Variants in ZFYVE9 observed in about 807,000 individuals in gnomAD.
ZFYVE9 encodes zinc finger FYVE domain-containing protein 9.
In ZFYVE9, 43 loss-of-function variants were observed where a neutral mutation model predicts 126.7. The observed-to-expected ratio is 0.34, with a 90% CI of 0.27 to 0.44. ZFYVE9 has a LOEUF of 0.44. Among genes scored for constraint, ZFYVE9 ranks in the 20% least tolerant of loss-of-function variants. The pLI is 1.00. For synonymous variants in ZFYVE9, 521 were observed against 597.4 expected, an observed-to-expected ratio of 0.87 and a Z score of 1.87; for missense variants, 1,476 against 1,697.0, an observed-to-expected ratio of 0.87 and a Z score of 2.29.
At chr1:52,326,074 T>C (rs536341139) in intron 13 of ZFYVE9, among the ~76,000 whole-genome samples, 1 of 152,274 alleles carries the variant, frequency 6.6e-6, no homozygotes, top group Admixed American at 6.5e-5. Context: ...ATAATGCTCC[T>C]GTAGCATTTA....
At chr1:52,220,920 G>T (rs2124603342) in intron 2 of ZFYVE9, among the ~76,000 whole-genome samples, 1 of 152,304 alleles carries the variant, frequency 6.6e-6, no homozygotes, top group Admixed American at 6.5e-5. Flanking sequence ...TCAAAAGATG[G>T]ATTCTTTTGG....
chr1:52,198,825 C>A (rs543028109), intron 1 of ZFYVE9, among the ~76,000 whole-genome samples: 1 of 152,254 alleles, frequency 6.6e-6, no homozygotes, highest in African/African-American at 2.4e-5. Context: ...CACGTATAGC[C>A]TCCGCCATTA....
At position 52,160,287 on chromosome 1, in the gene ZFYVE9, T is replaced by A. The variant is rs1644444475; in HGVS notation, c.-143+17884T>A. 4.0e-6 allele frequency: 4 copies of A among 988,562 alleles called. No homozygotes were observed. The Admixed American group carries it at 6.8e-5, about 17-fold the overall frequency. The allele number at this position is 988,562 out of a possible 1,614,324, so 61.2% of individuals were successfully genotyped here. A position where few individuals can be genotyped will look rare whatever the true frequency, so the allele number is the denominator to read the frequency against. On this transcript the variant is annotated intron_variant, in intron 1 of 18. Transcript: ENST00000287727. Reference sequence around the variant, plus strand: ...TAAATCTTTACAACAGTTCGAATGCTCTTTCCAGAATGCATCAGTTCAAAG... The same window carrying A: ...TAAATCTTTACAACAGTTCGAATGCACTTTCCAGAATGCATCAGTTCAAAG...
chr1:52,298,816 T>TTTG, intron 12 of ZFYVE9, among the ~76,000 whole-genome samples: 1 of 148,686 alleles, frequency 6.7e-6, no homozygotes, highest in South Asian at 2.2e-4. Context: ...GTTTTTTTTT[T>TTTG]TTTTTTTTTT....
rs896615190 is a variant in ZFYVE9, at chr1:52,263,249, C to T, written c.2179-524C>T. Among the ~76,000 whole-genome samples, 10 of 152,138 alleles carry T rather than the reference C, an allele frequency of 6.6e-5. No homozygotes were observed. The East Asian group carries it at 7.7e-4, about 12-fold the overall frequency. Reference sequence around the variant, plus strand: ...GTGATTTCCTGTAGCTAAAGCAGTGCGTTTGTTTATGATTGAGTTGTATAT... The same window carrying T: ...GTGATTTCCTGTAGCTAAAGCAGTGTGTTTGTTTATGATTGAGTTGTATAT... On this transcript the variant is annotated intron_variant, in intron 4 of 18. Transcript: ENST00000287727.
At chr1:52,321,686 G>A (rs568527087) in intron 13 of ZFYVE9, among the ~76,000 whole-genome samples, 1 of 152,130 alleles carries the variant, frequency 6.6e-6, no homozygotes, top group East Asian at 1.9e-4. Flanking sequence ...CTGTCTCCCA[G>A]AACTCACAAC....
At chr1:52,263,927 C>G in intron 5 of ZFYVE9, 55 bp downstream of exon 5, 1 of 1,217,016 alleles carries the variant, frequency 8.2e-7, no homozygotes, top group South Asian at 1.5e-5. Context: ...AAGGGAATTA[C>G]GATGAGAAGA....
At chr1:52,149,661 A>G (rs1173542979) in intron 1 of ZFYVE9, among the ~76,000 whole-genome samples, 1 of 152,108 alleles carries the variant, frequency 6.6e-6, no homozygotes, top group Non-Finnish European at 1.5e-5. Context: ...CGCGTGGCTA[A>G]TTTTTGTATT....
At chr1:52,293,705 G>A (rs985275601) in intron 11 of ZFYVE9, 28 bp downstream of exon 11, 1 of 1,582,558 alleles carries the variant, frequency 6.3e-7, no homozygotes, top group Admixed American at 1.7e-5. Context: ...GTTTTTCAAG[G>A]CATGATGACT....
intron 1 of ZFYVE9, among the ~76,000 whole-genome samples, chr1:52,205,514 C>T (rs1644970174): frequency 6.6e-6 from 1 of 151,502 alleles, no homozygotes; most frequent in Admixed American, 6.6e-5. Flanking sequence ...CAAGTGTGCA[C>T]CACCATGCCT....
chr1:52,282,521 G>A (rs1357251326), intron 10 of ZFYVE9, among the ~76,000 whole-genome samples: 2 of 152,130 alleles, frequency 1.3e-5, no homozygotes, highest in African/African-American at 4.8e-5. Context: ...TTATCTTTGA[G>A]GAAGAAGGCC....
chr1:52,209,584 C>T (rs575430062), intron 1 of ZFYVE9, among the ~76,000 whole-genome samples: 1 of 152,224 alleles, frequency 6.6e-6, no homozygotes, highest in Non-Finnish European at 1.5e-5. Context: ...TTAATAGAGC[C>T]ACATAATATG....
chr1:52,206,712 G>T (rs1644981139), intron 1 of ZFYVE9, among the ~76,000 whole-genome samples: 1 of 152,076 alleles, frequency 6.6e-6, no homozygotes, highest in Admixed American at 6.6e-5. Context: ...ACCACACCTG[G>T]CTAATTTTTG....
At chr1:52,181,232 G>A (rs1324460554) in intron 1 of ZFYVE9, among the ~76,000 whole-genome samples, 4 of 152,186 alleles carry the variant, frequency 2.6e-5, no homozygotes, top group Non-Finnish European at 5.9e-5. Context: ...GCAGGCGCGC[G>A]CTGCCACGCC....
At chr1:52,323,193 G>C (rs1324505297) in intron 13 of ZFYVE9, among the ~76,000 whole-genome samples, 1 of 152,166 alleles carries the variant, frequency 6.6e-6, no homozygotes, top group East Asian at 1.9e-4. Context: ...TCCAGGGCAT[G>C]CTACCTTACT....
At chr1:52,233,030 T>C (rs1645238949) in intron 2 of ZFYVE9, 141 bp from the exon 3 acceptor site, 1 of 289,368 alleles carries the variant, frequency 3.5e-6, no homozygotes, top group South Asian at 1.4e-4. Context: ...AAAGATCTTA[T>C]AATATATCCA....
chr1:52,174,480 G>A (rs1216778139), intron 1 of ZFYVE9, among the ~76,000 whole-genome samples: 1 of 152,204 alleles, frequency 6.6e-6, no homozygotes. Context: ...TGTATATTCT[G>A]TTGATTTGGG....
chr1:52,282,894 A>G (rs1645818101), intron 10 of ZFYVE9, among the ~76,000 whole-genome samples: 1 of 152,208 alleles, frequency 6.6e-6, no homozygotes, highest in Non-Finnish European at 1.5e-5. Context: ...TGCTCTTTAA[A>G]TAATTACAGA....
At chr1:52,268,390 C>T in intron 6 of ZFYVE9, 73 bp from the exon 7 acceptor site, 2 of 1,486,698 alleles carry the variant, frequency 1.3e-6, no homozygotes, top group Non-Finnish European at 1.8e-6. Flanking sequence ...GAATTGGTGA[C>T]CTTCTCTTCT....
Sources: gnomAD v4.1 joint callset for allele counts (sites outside exome capture counted in the v4.1 genomes callset) on GRCh38, gnomAD v4.1.1 for gene constraint, MANE v1.5 for transcripts, NCBI Gene and HGNC (gene_info 2026-07-23, HGNC 2026-07-21) for gene names.